Variants in PRPF18 observed in about 807,000 individuals in gnomAD.
PRPF18 encodes the protein pre-mRNA-splicing factor 18.
PRPF18 carries 38 observed loss-of-function variants against 46.5 expected under a neutral mutation model. The ratio of observed to expected loss-of-function variants is 0.82; its 90% confidence interval spans 0.63 to 1.07. The LOEUF is 1.07. Ranked by LOEUF, PRPF18 falls within the 50% of genes least tolerant of loss-of-function variation. The probability of loss-of-function intolerance (pLI) is 0.00; values close to 1 mark genes in which losing one functional copy is unlikely to be tolerated. For synonymous variants in PRPF18, 152 were observed against 146.7 expected, an observed-to-expected ratio of 1.04 and a Z score of -0.26; for missense variants, 263 against 410.0, an observed-to-expected ratio of 0.64 and a Z score of 3.10.
chr10:13,612,092 C>G (rs2080277461), intron 6 of PRPF18, among the ~76,000 whole-genome samples: 1 of 152,068 alleles, frequency 6.6e-6, no homozygotes, highest in Admixed American at 6.6e-5. Context: ...GTTGGCCACG[C>G]TGATCTTGAA....
At chr10:13,617,728 A>AT (rs199918717) in intron 9 of PRPF18, among the ~76,000 whole-genome samples, 223 of 151,816 alleles carry the variant, frequency 1.5e-3, no homozygotes, top group African/African-American at 4.8e-3. Flanking sequence ...CCGAGGAGTG[A>AT]TTTTTTTTTA....
chr10:13,623,464 A>G (rs1337015890), intron 9 of PRPF18, among the ~76,000 whole-genome samples: 1 of 152,198 alleles, frequency 6.6e-6, no homozygotes, highest in Non-Finnish European at 1.5e-5. Context: ...AACGTCACTC[A>G]TCTTGTTTTT....
At chr10:13,608,546 C>T (rs534204695) in intron 4 of PRPF18, among the ~76,000 whole-genome samples, 1 of 152,312 alleles carries the variant, frequency 6.6e-6, no homozygotes, top group South Asian at 2.1e-4. Flanking sequence ...TGTGTTTCTG[C>T]CTTGTATGCT....
At chr10:13,597,071 G>A (rs1419257382) in intron 1 of PRPF18, among the ~76,000 whole-genome samples, 1 of 152,058 alleles carries the variant, frequency 6.6e-6, no homozygotes, top group Non-Finnish European at 1.5e-5. Context: ...TTTTGTTTCT[G>A]TTAGGAAAAA....
chr10:13,615,867 C>T (rs1344017552), intron 8 of PRPF18, among the ~76,000 whole-genome samples: 1 of 152,130 alleles, frequency 6.6e-6, no homozygotes, highest in Admixed American at 6.5e-5. Flanking sequence ...AGTGTTTCCT[C>T]TCTGTTTACA....
chr10:13,619,719 C>A (rs1216859429), intron 9 of PRPF18, among the ~76,000 whole-genome samples: 1 of 152,042 alleles, frequency 6.6e-6, no homozygotes, highest in Admixed American at 6.5e-5. Flanking sequence ...AGAAGCGATA[C>A]TGAGTGTCAG....
At chr10:13,630,171 A>C (rs1231924400) in intron 9 of PRPF18, 89 bp from the exon 10 acceptor site, 10 of 1,105,120 alleles carry the variant, frequency 9.0e-6, no homozygotes, top group Non-Finnish European at 1.2e-5. Context: ...TTATGGGGAC[A>C]TTGACAAACT....
the PRPF18 span, chr10:13,643,646 C>T: frequency 1.3e-5 from 2 of 152,722 alleles, no homozygotes; most frequent in Middle Eastern, 3.4e-3. Flanking sequence ...ATTCCCAGTG[C>T]ACACGCAAGC....
intron 2 of PRPF18, 24 bp from the exon 3 acceptor site, chr10:13,600,215 AATTTC>A (rs776754380): frequency 6.6e-7 from 1 of 1,504,572 alleles, no homozygotes; most frequent in Non-Finnish European, 9.1e-7. Flanking sequence ...TTTAAAGCTG[AATTTC>A]ATTTCTTTTG....
chr10:13,599,219 G>A (rs1305966576), intron 2 of PRPF18, among the ~76,000 whole-genome samples: 1 of 152,004 alleles, frequency 6.6e-6, no homozygotes, highest in African/African-American at 2.4e-5. Flanking sequence ...CATTTTTTAA[G>A]GCTTGGTGCT....
At chr10:13,623,073 C>T (rs530737187) in intron 9 of PRPF18, among the ~76,000 whole-genome samples, 5 of 152,050 alleles carry the variant, frequency 3.3e-5, no homozygotes, top group African/African-American at 9.6e-5. Flanking sequence ...TGGTGGCAGG[C>T]GCCTGTAGTC....
intron 4 of PRPF18, among the ~76,000 whole-genome samples, chr10:13,606,564 G>A (rs557928322): frequency 1.7e-4 from 26 of 151,658 alleles, no homozygotes; most frequent in African/African-American, 4.4e-4. Context: ...GTGAAACCCC[G>A]TCTCTACTAA....
At chr10:13,638,304 T>C in the PRPF18 span, among the ~76,000 whole-genome samples, 5 of 150,760 alleles carry the variant, frequency 3.3e-5, no homozygotes, top group East Asian at 3.9e-4. Flanking sequence ...CTTTTCTTTT[T>C]TTTTTTTTTT....
At chr10:13,617,223 C>G (rs1415967215) in intron 9 of PRPF18, among the ~76,000 whole-genome samples, 1 of 152,210 alleles carries the variant, frequency 6.6e-6, no homozygotes, top group Non-Finnish European at 1.5e-5. Context: ...AGTTCTAAAA[C>G]TTGACAGTGA....
intron 4 of PRPF18, among the ~76,000 whole-genome samples, chr10:13,608,452 C>G (rs577943434): frequency 1.6e-4 from 24 of 152,352 alleles, no homozygotes; most frequent in African/African-American, 4.8e-4. Flanking sequence ...TGCTTTACTT[C>G]CCAGCATTGT....
At chr10:13,632,805 C>T (rs1252917204), downstream of PRPF18, 2 of 152,190 alleles carry the variant, frequency 1.3e-5, no homozygotes, top group African/African-American at 2.4e-5. Flanking sequence ...ATTTCCAAAT[C>T]GTGAAAATTT....
chr10:13,638,095 A>G, the PRPF18 span: 6 of 152,324 alleles, frequency 3.9e-5, no homozygotes, highest in South Asian at 1.2e-3. Flanking sequence ...TGGTCCTGCG[A>G]AGAAGATACG....
intron 9 of PRPF18, among the ~76,000 whole-genome samples, chr10:13,625,304 G>C (rs1343211134): frequency 1.3e-5 from 2 of 152,060 alleles, no homozygotes; most frequent in Admixed American, 6.6e-5. Flanking sequence ...GGTGACAGAC[G>C]GGTCTGAAAA....
intron 1 of PRPF18, among the ~76,000 whole-genome samples, chr10:13,587,458 A>T (rs1013367134): frequency 2.0e-5 from 3 of 152,234 alleles, no homozygotes. Flanking sequence ...CACGTCCAAA[A>T]GCCAAACCAA....
Sources: gnomAD v4.1 joint callset for allele counts (sites outside exome capture counted in the v4.1 genomes callset) on GRCh38, gnomAD v4.1.1 for gene constraint, MANE v1.5 for transcripts, NCBI Gene and HGNC (gene_info 2026-07-23, HGNC 2026-07-21) for gene names.